The following PDE12 variants were observed in gnomAD, a reference collection of about 807,000 sequenced individuals.
The protein encoded by PDE12 is phosphodiesterase 12, also known as 2',5'-phosphodiesterase 12.
PDE12 carries 26 observed loss-of-function variants against 45.4 expected under a neutral mutation model. That is an observed-to-expected ratio of 0.57 (90% CI 0.42 to 0.79). The LOEUF is 0.79. Ranked by LOEUF, PDE12 falls within the 30% of genes least tolerant of loss-of-function variation. The probability of loss-of-function intolerance (pLI) is 0.00; values close to 1 mark genes in which losing one functional copy is unlikely to be tolerated. For missense variants in PDE12, 668 were observed against 790.0 expected, an observed-to-expected ratio of 0.85 and a Z score of 1.85; for synonymous variants, 283 against 323.9, an observed-to-expected ratio of 0.87 and a Z score of 1.36.
the PDE12 span, chr3:57,645,592 C>T: frequency 8.4e-7 from 1 of 1,193,474 alleles, no homozygotes; most frequent in East Asian, 2.4e-5. Flanking sequence ...GCTTTTATTA[C>T]CAAAAATAAT....
the PDE12 span, chr3:57,641,629 CAG>C: frequency 6.3e-7 from 1 of 1,590,534 alleles, no homozygotes; most frequent in Non-Finnish European, 8.6e-7. Flanking sequence ...ACACTAGAAA[CAG>C]AACACCAAGT....
the PDE12 span, among the ~76,000 whole-genome samples, chr3:57,609,214 T>C: frequency 3.3e-5 from 5 of 152,192 alleles, no homozygotes; most frequent in East Asian, 9.6e-4. Flanking sequence ...CATACCAGAA[T>C]CTCTGGGACA....
At chr3:57,649,848 C>T in the PDE12 span, among the ~76,000 whole-genome samples, 2 of 143,228 alleles carry the variant, frequency 1.4e-5, no homozygotes, top group Non-Finnish European at 3.0e-5. Context: ...ATTCAGGTTA[C>T]TCTATCCCAC....
the PDE12 span, among the ~76,000 whole-genome samples, chr3:57,604,552 T>C: frequency 7.4e-5 from 11 of 148,034 alleles, no homozygotes; most frequent in African/African-American, 2.7e-4. Context: ...AGTTAGAGTC[T>C]AGCCTGGACA....
chr3:57,639,578 C>A, the PDE12 span, among the ~76,000 whole-genome samples: 7 of 152,164 alleles, frequency 4.6e-5, no homozygotes, highest in Non-Finnish European at 8.8e-5. Flanking sequence ...ATCCAAGACT[C>A]TAGCAACTGT....
chr3:57,556,497 G>C lies in PDE12; in HGVS notation c.118G>C (p.Val40Leu). ...GGCGGGAGCGATGGAGCGCGCTGTA[G>C]TGCGCTGCGTACCTTCGGAACCCAA... The part of the protein sequence containing the change: ...TAAGAMERAV[V>L]RCVPSEPKLS... The change falls in exon 1 of 3, where the codon GTG becomes CTG. Residue 40 changes from valine to leucine, a missense_variant. This residue lies in a region of PDE12 where 580 missense variants were observed against 662.9 expected (regional missense o/e 0.87). Coordinates refer to ENST00000311180, the MANE Select transcript of PDE12 (RefSeq NM_177966.7). The surrounding 1 kb of genome is among the most constrained non-coding windows in gnomAD (Gnocchi z 5.0). 1 of 1,613,336 alleles carries C rather than the reference G, an allele frequency of 6.2e-7. No individual in the cohort carries two copies. Among genetic ancestry groups the C allele is most frequent in the Non-Finnish European group, 8.5e-7 (1 of 1,179,936 alleles).
the PDE12 span, chr3:57,572,323 CTTGA>C: frequency 1.9e-6 from 3 of 1,557,756 alleles, no homozygotes; most frequent in African/African-American, 1.4e-5. Flanking sequence ...CAAGAAAATA[CTTGA>C]TTAACAAAGT....
chr3:57,633,034 T>G, the PDE12 span, among the ~76,000 whole-genome samples: 1 of 152,218 alleles, frequency 6.6e-6, no homozygotes, highest in Non-Finnish European at 1.5e-5. Flanking sequence ...TCAGCCATAT[T>G]TCACAGGTGA....
chr3:57,638,614 C>T, the PDE12 span, among the ~76,000 whole-genome samples: 2 of 151,882 alleles, frequency 1.3e-5, no homozygotes, highest in South Asian at 2.1e-4. Flanking sequence ...GCCAAGATTG[C>T]GCCACTGCAC....
chr3:57,618,670 G>A, the PDE12 span, among the ~76,000 whole-genome samples: 13 of 130,722 alleles, frequency 9.9e-5, no homozygotes, highest in Non-Finnish European at 1.7e-4. Context: ...GTGCAATGGC[G>A]CGATCTCAGC....
In PDE12 at chr3:57,559,933, C is replaced by T. The variant is rs893230267; in HGVS notation, c.1759C>T (p.His587Tyr). The T allele has an allele frequency of 3.1e-6, 5 of 1,613,520 alleles. No individual in the cohort carries two copies. In the Admixed American group the frequency reaches 6.7e-5, roughly 22 times the overall value. The change falls in exon 3 of 3, where the codon CAC becomes TAC. Residue 587 changes from histidine to tyrosine, a missense_variant. By Grantham distance (83) the His-to-Tyr change is moderately conservative (BLOSUM62 2). Transcript: ENST00000311180. The stretch of plus-strand genomic sequence containing the variant: ...ACCTAGTCATGAAGAAGTTACCACC[C>T]ACCAGGCCTTACCTAGTGTTTCCCA... ...PLPSHEEVTT[H>Y]QALPSVSHPS...
At chr3:57,644,982 CA>C in the PDE12 span, among the ~76,000 whole-genome samples, 1 of 151,710 alleles carries the variant, frequency 6.6e-6, no homozygotes. Flanking sequence ...GGAGATCGTA[CA>C]TGCAGATTTT....
the PDE12 span, among the ~76,000 whole-genome samples, chr3:57,638,385 T>G: frequency 6.6e-6 from 1 of 151,638 alleles, no homozygotes; most frequent in African/African-American, 2.4e-5. Flanking sequence ...AGGCTGGGTG[T>G]GGTGGCTCAC....
At chr3:57,604,825 C>T in the PDE12 span, among the ~76,000 whole-genome samples, 1 of 151,858 alleles carries the variant, frequency 6.6e-6, no homozygotes, top group African/African-American at 2.4e-5. Context: ...GTTGCCTAGG[C>T]TGGTCTTGAA....
At chr3:57,628,143 G>A in the PDE12 span, 1 of 1,556,202 alleles carries the variant, frequency 6.4e-7, no homozygotes, top group Non-Finnish European at 8.7e-7. Context: ...GATCTCCTTT[G>A]TGCGTCTGGT....
At chr3:57,572,194 T>A in the PDE12 span, 1 of 1,598,308 alleles carries the variant, frequency 6.3e-7, no homozygotes, top group Non-Finnish European at 8.6e-7. Context: ...ATGTCCTTGG[T>A]TAGATATCCA....
At chr3:57,629,361 TTA>T in the PDE12 span, among the ~76,000 whole-genome samples, 1 of 152,118 alleles carries the variant, frequency 6.6e-6, no homozygotes, top group Non-Finnish European at 1.5e-5. Flanking sequence ...GACTGGGAGT[TTA>T]TGAGTAGAAA....
chr3:57,648,802 T>C, the PDE12 span, among the ~76,000 whole-genome samples: 11 of 152,124 alleles, frequency 7.2e-5, no homozygotes, highest in African/African-American at 2.4e-4. Flanking sequence ...GCTGAGATAA[T>C]TGGCAAGCCA....
the PDE12 span, chr3:57,630,549 A>G: frequency 1.3e-6 from 2 of 1,573,436 alleles, no homozygotes; most frequent in African/African-American, 1.4e-5. Context: ...TTAAAAAAGT[A>G]AAGTTTGATT....
Sources: gnomAD v4.1 joint callset for allele counts (sites outside exome capture counted in the v4.1 genomes callset) on GRCh38, gnomAD v4.1.1 for gene constraint, gnomAD v4.1.1 regional missense constraint, Gnocchi (gnomAD v3.1) non-coding constraint, MANE v1.5 for transcripts, NCBI Gene and HGNC (gene_info 2026-07-23, HGNC 2026-07-21) for gene names.